KIF26B: variants seen among roughly 807,000 people sequenced by gnomAD.
The protein encoded by KIF26B is kinesin-like protein KIF26B.
In KIF26B, 63 loss-of-function variants were observed where a neutral mutation model predicts 151.2. That is an observed-to-expected ratio of 0.42 (90% confidence interval 0.34 to 0.51). The LOEUF (loss-of-function observed/expected upper bound fraction) is 0.51, where lower values mean the gene tolerates loss of function less well. Among genes scored for constraint, KIF26B ranks in the 20% least tolerant of loss-of-function variants. The pLI, the probability that KIF26B is intolerant of heterozygous loss-of-function variation, is 0.07. For missense variants in KIF26B, 2,813 were observed against 2,913.6 expected (o/e 0.97, Z 0.79); for synonymous variants, 1,357 against 1,262.1 (o/e 1.08, Z -1.59).
At chr1:245,439,146 G>A (rs1352217281) in intron 4 of KIF26B, among the ~76,000 whole-genome samples, 1 of 152,006 alleles carries the variant, frequency 6.6e-6, no homozygotes, top group African/African-American at 2.4e-5. Context: ...CCAGGAGTTT[G>A]AGACCAGCCT....
At chr1:245,603,165 G>A (rs1471022817) in intron 6 of KIF26B, among the ~76,000 whole-genome samples, 1 of 151,992 alleles carries the variant, frequency 6.6e-6, no homozygotes, top group Non-Finnish European at 1.5e-5. Flanking sequence ...AGTGTTTCAG[G>A]GAGCTGATTA....
Position 245,226,717 on chromosome 1 carries a change from C to A in KIF26B, c.465+70034C>A, listed in dbSNP as rs528226758. Among the ~76,000 whole-genome samples the A allele has an allele frequency of 1.2e-3, 187 of 152,298 alleles. 2 individuals carry two copies. The highest frequency in any genetic ancestry group is 4.4e-3 in the African/African-American group (184 of 41,564). Reference sequence around the variant, plus strand: ...ACCTCAGGTGATCCACCCGCCTCGGCCTCCCAAAGTGCTGGGATTATAGGC... The same window carrying A: ...ACCTCAGGTGATCCACCCGCCTCGGACTCCCAAAGTGCTGGGATTATAGGC... On this transcript the variant is annotated intron_variant, in intron 2 of 14. Transcript: ENST00000407071.
chr1:245,390,943 A>AAAACC (rs1553270129), intron 3 of KIF26B, among the ~76,000 whole-genome samples: 1 of 118,412 alleles, frequency 8.4e-6, no homozygotes, highest in African/African-American at 4.1e-5. Context: ...AAAAAAAAAA[A>AAAACC]AAAAAAAAAC....
intron 2 of KIF26B, among the ~76,000 whole-genome samples, chr1:245,344,114 TTC>T (rs1393002430): frequency 6.6e-6 from 1 of 151,570 alleles, no homozygotes; most frequent in Admixed American, 6.6e-5. Context: ...CTTTCTTTCC[TTC>T]TCTTTTTTCC....
At chr1:245,265,957 T>A (rs1390221474) in intron 2 of KIF26B, among the ~76,000 whole-genome samples, 1 of 152,162 alleles carries the variant, frequency 6.6e-6, no homozygotes, top group East Asian at 1.9e-4. Flanking sequence ...CATGAATTAA[T>A]GATTGCTAAA....
chr1:245,302,040 A>AG (rs1465394680), intron 2 of KIF26B, among the ~76,000 whole-genome samples: 5 of 152,210 alleles, frequency 3.3e-5, no homozygotes, highest in Non-Finnish European at 7.3e-5. Context: ...GTGGAATAGC[A>AG]GGGTCCATAA....
At chr1:245,297,712 C>A (rs994333293) in intron 2 of KIF26B, among the ~76,000 whole-genome samples, 1 of 152,114 alleles carries the variant, frequency 6.6e-6, no homozygotes, top group Non-Finnish European at 1.5e-5. Flanking sequence ...TATGGGTTTA[C>A]TCTGTACTGT....
In KIF26B at chr1:245,367,433, A is replaced by AGAAGGAAGTG; in HGVS notation, c.999+66_999+67insGAAGGAAGTG. On this transcript the variant is annotated intron_variant, in intron 3 of 14. Transcript: ENST00000407071. The surrounding 1 kb of genome is among the most constrained non-coding windows in gnomAD (Gnocchi z 4.2). ...GAGTCAAAGCGGAGAAGTAGGCAGC[A>AGAAGGAAGTG]CTTCCTTCCGCTGCCTCCTCCCGGG... 1 of 1,382,648 alleles carries AGAAGGAAGTG rather than the reference A, an allele frequency of 7.2e-7. No homozygotes were observed. Among genetic ancestry groups the AGAAGGAAGTG allele is most frequent in the Non-Finnish European group, 9.8e-7 (1 of 1,021,176 alleles). 85.6% of individuals were successfully genotyped at this position (1,382,648 alleles called of 1,614,324 possible). A position where few individuals can be genotyped will look rare whatever the true frequency, so the allele number is the denominator to read the frequency against.
intron 2 of KIF26B, among the ~76,000 whole-genome samples, chr1:245,216,799 AAG>A (rs1669655361): frequency 6.6e-6 from 1 of 152,234 alleles, no homozygotes; most frequent in South Asian, 2.1e-4. Flanking sequence ...AGTGTGTTGA[AAG>A]AGTTAGCTAG....
chr1:245,228,106 A>G (rs997021090), intron 2 of KIF26B, among the ~76,000 whole-genome samples: 1 of 152,224 alleles, frequency 6.6e-6, no homozygotes, highest in African/African-American at 2.4e-5. Context: ...GGTCCCACGC[A>G]TGCCACTTAT....
intron 1 of KIF26B, 107 bp from the exon 2 acceptor site, chr1:245,156,174 TC>T: frequency 6.9e-7 from 1 of 1,444,924 alleles, no homozygotes; most frequent in East Asian, 2.6e-5. Context: ...CCCAACCGAC[TC>T]CCGTGGGCGG....
intron 9 of KIF26B, 78 bp downstream of exon 9, chr1:245,612,054 T>TGTG (rs2043529523): frequency 1.5e-6 from 1 of 647,350 alleles, no homozygotes; most frequent in African/African-American, 2.6e-5. Context: ...ACCATGACCT[T>TGTG]TGTGTGTGTG....
chr1:245,651,182 A>G (rs990279730), intron 10 of KIF26B, among the ~76,000 whole-genome samples: 1 of 152,236 alleles, frequency 6.6e-6, no homozygotes, highest in African/African-American at 2.4e-5. Context: ...GTGAGGAGTC[A>G]GGAACCAAGG....
intron 3 of KIF26B, among the ~76,000 whole-genome samples, chr1:245,383,488 T>C (rs1427188144): frequency 6.6e-6 from 1 of 152,144 alleles, no homozygotes; most frequent in African/African-American, 2.4e-5. Flanking sequence ...AAGACAACGG[T>C]GTCTTGTTTT....
At chr1:245,479,958 A>G (rs1167065160) in intron 4 of KIF26B, among the ~76,000 whole-genome samples, 1 of 151,796 alleles carries the variant, frequency 6.6e-6, no homozygotes, top group Non-Finnish European at 1.5e-5. Context: ...ATAAGAAAAA[A>G]CTTTCAAATA....
intron 2 of KIF26B, among the ~76,000 whole-genome samples, chr1:245,323,808 G>A (rs1671930927): frequency 6.6e-6 from 1 of 152,246 alleles, no homozygotes; most frequent in South Asian, 2.1e-4. Flanking sequence ...ACATCCAGCT[G>A]TACGGGAATA....
chr1:245,602,706 G>T lies in KIF26B; in HGVS notation c.1480G>T (p.Ala494Ser). 1 of 1,614,010 alleles carries T rather than the reference G, an allele frequency of 6.2e-7. No individual in the cohort carries two copies. Among genetic ancestry groups the T allele is most frequent in the Non-Finnish European group, 8.5e-7 (1 of 1,179,884 alleles). The change falls in exon 6 of 15, where the codon GCC (alanine) becomes TCC (serine). Residue 494 changes from alanine to serine, a missense_variant. Coordinates refer to ENST00000407071, the MANE Select transcript of KIF26B (RefSeq NM_018012.4). This position sits in a 1 kb window ranked among gnomAD's most constrained non-coding sequence, Gnocchi z 4.5. ...YDPLTCGGQN[A>S]FQKRGNQVPP... ...TCCCCTGACTTGTGGAGGTCAAAATGCCTTCCAAAAGAGAGGCAACCAGGT... is the reference window on the plus strand; with the variant it reads ...TCCCCTGACTTGTGGAGGTCAAAATTCCTTCCAAAAGAGAGGCAACCAGGT...
chr1:245,612,095 T>TGA (rs1372836126), intron 9 of KIF26B, 119 bp downstream of exon 9: 51 of 695,608 alleles, frequency 7.3e-5, no homozygotes, highest in African/African-American at 6.6e-4. Flanking sequence ...TGTGTGTGTG[T>TGA]GTGTGTGTGT....
chr1:245,354,366 C>T (rs1384403622), intron 2 of KIF26B, among the ~76,000 whole-genome samples: 1 of 152,204 alleles, frequency 6.6e-6, no homozygotes, highest in Non-Finnish European at 1.5e-5. Context: ...GAAACCCAGG[C>T]CAAGAGGCAG....
Sources: gnomAD v4.1 joint callset for allele counts (sites outside exome capture counted in the v4.1 genomes callset) on GRCh38, gnomAD v4.1.1 for gene constraint, Gnocchi (gnomAD v3.1) non-coding constraint, MANE v1.5 for transcripts, NCBI Gene and HGNC (gene_info 2026-07-23, HGNC 2026-07-21) for gene names.